The following TPD52 variants were observed in gnomAD, a reference collection of about 807,000 sequenced individuals.
TPD52 encodes the protein prostate and colon associated protein.
Under a neutral mutation model 31.3 loss-of-function variants are expected in TPD52, and 17 were observed. That is an observed-to-expected ratio of 0.54 (90% CI 0.37 to 0.82). The LOEUF (loss-of-function observed/expected upper bound fraction) is 0.82. TPD52 is among the 40% of genes least tolerant of loss of function. TPD52 has a pLI of 0.00. For synonymous variants in TPD52, 83 were observed against 89.6 expected (o/e 0.93, Z 0.42); for missense variants, 212 against 240.1 (o/e 0.88, Z 0.77).
At chr8:80,117,035 G>A (rs550867716) in intron 1 of TPD52, among the ~76,000 whole-genome samples, 1 of 152,232 alleles carries the variant, frequency 6.6e-6, no homozygotes, top group East Asian at 1.9e-4. Flanking sequence ...ATGGAAAACC[G>A]CAGCTAACAT....
Position 80,037,992 on chromosome 8 carries a change from A to G in TPD52, c.*124T>C. 2.2e-6 allele frequency: 3 copies of G among 1,378,510 alleles called. No individual in the cohort carries two copies. Among genetic ancestry groups the G allele is most frequent in the South Asian group, 2.9e-5 (2 of 69,496 alleles). The allele number at this position is 1,378,510 out of a possible 1,614,324, so 85.4% of individuals were successfully genotyped here. A position where few individuals can be genotyped will look rare whatever the true frequency, so the allele number is the denominator to read the frequency against. ...GTTTAACCCACAAACTATTTGGTCA[A>G]AGGAATATGTAAAGCTAAATAAAAG... is the stretch of plus-strand genomic sequence containing the variant. On this transcript the variant is annotated 3_prime_UTR_variant, in exon 8 of 8. Transcript: ENST00000518937.
chr8:80,139,859 G>A (rs568758399), intron 1 of TPD52, among the ~76,000 whole-genome samples: 146 of 152,200 alleles, frequency 9.6e-4, no homozygotes, highest in South Asian at 1.9e-3. Context: ...CCTGATGTTC[G>A]GGGGATGGAT....
chr8:80,101,750 A>T (rs192823096), intron 1 of TPD52, among the ~76,000 whole-genome samples: 2 of 152,218 alleles, frequency 1.3e-5, no homozygotes, highest in East Asian at 3.9e-4. Context: ...ACCGGGTGAG[A>T]ACTTGATCAT....
chr8:80,161,774 G>T (rs1811382243), intron 1 of TPD52, among the ~76,000 whole-genome samples: 1 of 147,014 alleles, frequency 6.8e-6, no homozygotes, highest in Admixed American at 6.9e-5. Context: ...CTGTCACCCA[G>T]ACTGGAGTGC....
At chr8:80,047,533 T>G (rs936481868) in intron 5 of TPD52, among the ~76,000 whole-genome samples, 1 of 152,172 alleles carries the variant, frequency 6.6e-6, no homozygotes, top group Non-Finnish European at 1.5e-5. Flanking sequence ...TCCACCCCTA[T>G]AGTCTACAGC....
At chr8:80,057,300 AG>A (rs1277478241) in intron 2 of TPD52, among the ~76,000 whole-genome samples, 1 of 152,236 alleles carries the variant, frequency 6.6e-6, no homozygotes, top group African/African-American at 2.4e-5. Flanking sequence ...TACTTCTCAA[AG>A]AACTTAATAC....
At chr8:80,129,697 T>C (rs1342270346) in intron 1 of TPD52, among the ~76,000 whole-genome samples, 2 of 138,630 alleles carry the variant, frequency 1.4e-5, no homozygotes, top group African/African-American at 2.8e-5. Flanking sequence ...ATCCTAACTC[T>C]CATTTCTTTT....
intron 5 of TPD52, 184 bp downstream of exon 5, chr8:80,050,261 C>A: frequency 2.3e-6 from 1 of 439,980 alleles, no homozygotes. Context: ...AATTTATCAA[C>A]TACCCATGGT....
At chr8:80,161,732 A>ATATATT (rs1277398110) in intron 1 of TPD52, among the ~76,000 whole-genome samples, 16 of 72,512 alleles carry the variant, frequency 2.2e-4, no homozygotes, top group African/African-American at 5.2e-4. Context: ...ATATATATAT[A>ATATATT]TTTTTTTTTT....
intron 2 of TPD52, among the ~76,000 whole-genome samples, chr8:80,061,385 C>CCCCCCA (rs1484546324): frequency 1.7e-4 from 17 of 102,088 alleles, no homozygotes; most frequent in Non-Finnish European, 2.2e-4. Context: ...CCGCCCCCCC[C>CCCCCCA]AAAAAAAAAA....
chr8:80,081,092 T>G (rs757258145), intron 1 of TPD52, among the ~76,000 whole-genome samples: 30 of 151,916 alleles, frequency 2.0e-4, no homozygotes, highest in Non-Finnish European at 7.4e-5. Flanking sequence ...CCATGATTAC[T>G]TTATCTAATG....
chr8:80,067,525 C>T (rs905858202), intron 1 of TPD52, among the ~76,000 whole-genome samples: 4 of 152,058 alleles, frequency 2.6e-5, no homozygotes, highest in African/African-American at 9.7e-5. Context: ...GTTTTAAATA[C>T]TTATGTGCAA....
intron 1 of TPD52, among the ~76,000 whole-genome samples, chr8:80,164,275 T>G (rs1811566459): frequency 1.3e-5 from 2 of 152,146 alleles, no homozygotes; most frequent in African/African-American, 4.8e-5. Context: ...CTACAATAAC[T>G]TAAACTAGGT....
At chr8:80,039,189 G>A (rs538346966) in intron 7 of TPD52, among the ~76,000 whole-genome samples, 5 of 152,180 alleles carry the variant, frequency 3.3e-5, no homozygotes, top group East Asian at 1.9e-4. Context: ...TGGGAAATGC[G>A]AATAATGTGT....
chr8:80,080,556 A>C (rs959579824), intron 1 of TPD52: 1 of 1,486,078 alleles, frequency 6.7e-7, no homozygotes. Context: ...ACTTCACTGA[A>C]GAAATCAACC....
intron 1 of TPD52, among the ~76,000 whole-genome samples, chr8:80,134,745 G>A (rs4556128): frequency 3.9e-5 from 6 of 152,150 alleles, no homozygotes; most frequent in South Asian, 2.1e-4. Flanking sequence ...AAGTGGATCC[G>A]TTAGTCCATT....
intron 1 of TPD52, among the ~76,000 whole-genome samples, chr8:80,166,789 C>T (rs1274358306): frequency 6.6e-6 from 1 of 151,682 alleles, no homozygotes; most frequent in Admixed American, 6.6e-5. Flanking sequence ...GCCTGTAGTC[C>T]CAGCTACTTG....
intron 1 of TPD52, among the ~76,000 whole-genome samples, chr8:80,141,543 T>C (rs776631781): frequency 5.9e-5 from 9 of 152,176 alleles, no homozygotes; most frequent in Non-Finnish European, 1.3e-4. Flanking sequence ...ACAACTCTAC[T>C]GCGACCTCAT....
At chr8:80,138,307 A>G (rs751530803) in intron 1 of TPD52, among the ~76,000 whole-genome samples, 12 of 152,264 alleles carry the variant, frequency 7.9e-5, no homozygotes, top group South Asian at 2.1e-4. Flanking sequence ...GTGTTTGACA[A>G]TAAGAGGCCA....
Sources: allele counts gnomAD v4.1 joint callset (sites outside exome capture counted in the v4.1 genomes callset), GRCh38; gene constraint gnomAD v4.1.1; transcripts MANE v1.5; gene names NCBI Gene and HGNC (gene_info 2026-07-23, HGNC 2026-07-21).